The following MYH6 variants were observed in gnomAD, a reference collection of about 807,000 sequenced individuals.
MYH6 encodes the protein myosin heavy chain 6.
MYH6 carries 126 observed loss-of-function variants against 223.2 expected under a neutral mutation model. The ratio of observed to expected loss-of-function variants is 0.56; its 90% CI spans 0.49 to 0.65. The LOEUF (loss-of-function observed/expected upper bound fraction) is 0.65. Ranked by LOEUF, MYH6 falls within the 30% of genes least tolerant of loss-of-function variation. The pLI is 0.00. For missense variants in MYH6, 2,040 were observed against 2,536.4 expected (o/e 0.80, Z 4.20); for synonymous variants, 978 against 1,010.2 (o/e 0.97, Z 0.61).
rs1891200890 is a variant in MYH6 at position 23,390,373 on chromosome 14, G to A, written c.3416C>T (p.Ser1139Leu). 6.2e-7 allele frequency: 1 copy of A among 1,606,714 alleles called. No individual in the cohort carries two copies. The change falls in exon 26 of 39, where the codon TCA (serine) becomes TTA (leucine). Residue 1139 changes from serine (S) to leucine (L), a missense_variant. Coordinates refer to ENST00000405093, the MANE Select transcript of MYH6 (RefSeq NM_002471.4). ...TARAKVEKLR[S>L]DLSRELEEIS... is the part of the protein sequence containing the mutation. ...CTCCTCCAGCTCCCGAGACAGGTCT[G>A]AGCGCAGCTTCTCCACCTTAGCCCT...
In MYH6 at chr14:23,404,710, C is replaced by T. The variant is rs199989693; in HGVS notation, c.642+1G>A. On this transcript the variant is annotated splice_donor_variant, in intron 7 of 38. Transcript: ENST00000405093. LOFTEE classifies it high-confidence loss of function. ...TGCCGAGCCTGTGTCCCCCATGGCA[C>T]CTTGTTCGCATTGGCATTGTCCTTC... The T allele has an allele frequency of 6.2e-7, 1 of 1,613,982 alleles. No homozygotes were observed. Among genetic ancestry groups the T allele is most frequent in the East Asian group, 2.2e-5 (1 of 44,870 alleles).
intron 10 of MYH6, 130 bp from the exon 11 acceptor site, chr14:23,402,930 A>G (rs1891653666): frequency 2.8e-6 from 2 of 726,366 alleles, no homozygotes; most frequent in Admixed American, 2.0e-5. Flanking sequence ...AAGGGAGGAC[A>G]GGGAGCAGGG....
At position 23,407,343 on chromosome 14, in the gene MYH6, C is replaced by T. The variant is rs903792552; in HGVS notation, c.-13-107G>A. 13 of 1,340,320 alleles carry T rather than the reference C, an allele frequency of 9.7e-6. No homozygotes were observed. The highest frequency in any genetic ancestry group is 5.5e-5 in the Admixed American group (3 of 54,438). 83.0% of individuals were successfully genotyped at this position (1,340,320 alleles called of 1,614,324 possible). On this transcript the variant is annotated intron_variant, in intron 2 of 38. Coordinates refer to ENST00000405093, the MANE Select transcript of MYH6 (RefSeq NM_002471.4). The surrounding 1 kb of genome is among the most constrained non-coding windows in gnomAD (Gnocchi z 5.6). ...CCCTACCCCCGCTCCTCTCCTCCAC[C>T]CTGGGAGAGGCACCTGCTGTTGCAC...
chr14:23,389,986 C>CAG, intron 26 of MYH6, 71 bp downstream of exon 26: 1 of 1,612,576 alleles, frequency 6.2e-7, no homozygotes, highest in Non-Finnish European at 8.5e-7. Flanking sequence ...AGATGGCAGA[C>CAG]AGAGAGAGAA....
chr14:23,400,097 A>T, intron 14 of MYH6, 159 bp downstream of exon 14: 1 of 1,102,970 alleles, frequency 9.1e-7, no homozygotes, highest in East Asian at 2.6e-5. Flanking sequence ...TGGGGGGATC[A>T]TCCTGTTCAT....
At chr14:23,389,773 G>A in intron 26 of MYH6, 54 bp from the exon 27 acceptor site, 3 of 1,613,858 alleles carry the variant, frequency 1.9e-6, no homozygotes, top group South Asian at 2.2e-5. Flanking sequence ...GTCGACCAGA[G>A]GAAGGAAGAG....
rs763477425 is a variant in MYH6 at position 23,396,315 on chromosome 14, G to A, written c.2398C>T (p.Arg800Cys). 1.1e-5 allele frequency: 17 copies of A among 1,613,982 alleles called. No individual in the cohort carries two copies. The highest frequency in any genetic ancestry group is 8.9e-5 in the East Asian group (4 of 44,890). ...MQAQARGQLM[R>C]IEFKKIVERR... ...TCCACTATCTTCTTGAACTCAATGC[G>A]CATGAGCTGGCCCCGGGCTTGGGCC... The change falls in exon 20 of 39, where the codon CGC becomes TGC. Residue 800 changes from arginine (R) to cysteine (C), a missense_variant. By Grantham distance (180) the Arg-to-Cys change is radical. This residue lies in a region of MYH6 where 649 missense variants were observed against 877.3 expected (regional missense o/e 0.74). Transcript: ENST00000405093.
Position 23,393,669 on chromosome 14 carries a change from G to T in MYH6, c.2925C>A (p.Asn975Lys), listed in dbSNP as rs1417105810. ...AGCCAGAGGGAGCTGCCCTCACCTT[G>T]TTCTCTGTTGCATGCTTCTCCTTCT... ...KVEKEKHATENKVKNLTEEMA... is the reference protein window; with the variant it reads ...KVEKEKHATEKKVKNLTEEMA... Residue 975 changes from asparagine (N) to lysine (K), a missense_variant, in exon 22 of 39, where the codon AAC (asparagine) becomes AAA (lysine). By Grantham distance (94) the Asn-to-Lys change is moderately conservative. Transcript: ENST00000405093. 4 of 1,614,182 alleles carry T rather than the reference G, an allele frequency of 2.5e-6. No homozygotes were observed. The highest frequency in any genetic ancestry group is 3.4e-6 in the Non-Finnish European group (4 of 1,180,044).
At position 23,406,350 on chromosome 14, in the gene MYH6, T is replaced by C. The variant is rs1169413006; in HGVS notation, c.202-580A>G. 2.0e-5 allele frequency among the ~76,000 whole-genome samples: 3 copies of C among 152,214 alleles called. No homozygotes were observed. In the East Asian group the frequency reaches 5.8e-4, roughly 29 times the overall value. On this transcript the variant is annotated intron_variant, in intron 3 of 38. Coordinates refer to ENST00000405093, the MANE Select transcript of MYH6 (RefSeq NM_002471.4). Reference sequence around the variant, plus strand: ...TAGTGGAGAAATCCGTGGCTCTAAATGACTAAATGATTTGCCTGCACAGTG... The same window carrying C: ...TAGTGGAGAAATCCGTGGCTCTAAACGACTAAATGATTTGCCTGCACAGTG...
In MYH6 at chr14:23,393,919, A is replaced by G; in HGVS notation, c.2686-11T>C. On this transcript the variant is annotated splice_polypyrimidine_tract_variant and intron_variant, in intron 21 of 38. Coordinates refer to ENST00000405093, the MANE Select transcript of MYH6 (RefSeq NM_002471.4). ...GAGGTTGTCTTGTTCCTGGGAGAAG[A>G]GAACAGGGAGGAAGCTGATGGTTAA... The G allele has an allele frequency of 6.2e-7, 1 of 1,614,176 alleles. No individual in the cohort carries two copies. The highest frequency in any genetic ancestry group is 1.6e-4 in the Middle Eastern group (1 of 6,062).
At chr14:23,395,892 C>T (rs1454988140) in intron 20 of MYH6, among the ~76,000 whole-genome samples, 4 of 152,186 alleles carry the variant, frequency 2.6e-5, no homozygotes, top group Non-Finnish European at 5.9e-5. Context: ...CTAATTTACA[C>T]ATCTGTAAGC....
At position 23,407,234 on chromosome 14, in the gene MYH6, C is replaced by T. The variant is rs1488094055; in HGVS notation, c.-11G>A. 1 of 1,614,140 alleles carries T rather than the reference C, an allele frequency of 6.2e-7. No homozygotes were observed. On this transcript the variant is annotated splice_region_variant and 5_prime_UTR_variant, in exon 3 of 39. Transcript: ENST00000405093. The surrounding 1 kb of genome is among the most constrained non-coding windows in gnomAD (Gnocchi z 5.6). ...CTGGGCATCGGTCATCTTGGTGCTT[C>T]CCCTGGGTCAGAGACAGGAGGGCTA... is the stretch of plus-strand genomic sequence containing the variant.
intron 30 of MYH6, 72 bp downstream of exon 30, chr14:23,388,083 C>T: frequency 1.2e-6 from 2 of 1,611,086 alleles, no homozygotes; most frequent in Admixed American, 1.7e-5. Context: ...AGGAGGTTGC[C>T]TTTGGCCTCT....
At chr14:23,398,003 C>CTTCTTCTTCTTT (rs1891479155) in intron 15 of MYH6, among the ~76,000 whole-genome samples, 2 of 137,770 alleles carry the variant, frequency 1.5e-5, no homozygotes, top group African/African-American at 5.9e-5. Context: ...TCTTCTTCTT[C>CTTCTTCTTCTTT]TTCTTCTTCT....
At chr14:23,385,137 T>C in intron 34 of MYH6, 96 bp from the exon 35 acceptor site, 1 of 1,545,344 alleles carries the variant, frequency 6.5e-7, no homozygotes, top group Non-Finnish European at 8.9e-7. Context: ...TGGTCATTTT[T>C]TTTTTAAAAC....
intron 35 of MYH6, 86 bp from the exon 36 acceptor site, chr14:23,384,803 C>A (rs1678773703): frequency 6.2e-7 from 1 of 1,613,284 alleles, no homozygotes. Context: ...CCCATCAGGC[C>A]CTCAAATCCA....
intron 14 of MYH6, chr14:23,399,610 G>C (rs923149148): frequency 5.3e-6 from 1 of 189,324 alleles, no homozygotes; most frequent in African/African-American, 2.4e-5. Flanking sequence ...ATGTATGAAT[G>C]TACACATGCT....
At chr14:23,383,665 G>A (rs1188223241) in intron 36 of MYH6, among the ~76,000 whole-genome samples, 1 of 152,172 alleles carries the variant, frequency 6.6e-6, no homozygotes. Flanking sequence ...GACTTACATA[G>A]GTTCTCTTGG....
intron 21 of MYH6, 52 bp downstream of exon 21, chr14:23,394,016 A>G (rs1390232039): frequency 3.1e-6 from 5 of 1,613,642 alleles, no homozygotes; most frequent in Non-Finnish European, 4.2e-6. Flanking sequence ...GAGATGGGCT[A>G]TAATCTAGGG....
Sources: gnomAD v4.1 joint callset for allele counts (sites outside exome capture counted in the v4.1 genomes callset) on GRCh38, gnomAD v4.1.1 for gene constraint, gnomAD v4.1.1 regional missense constraint, Gnocchi (gnomAD v3.1) non-coding constraint, MANE v1.5 for transcripts, NCBI Gene and HGNC (gene_info 2026-07-23, HGNC 2026-07-21) for gene names.